Variants in SLC12A6 observed in about 807,000 individuals in gnomAD.
The protein encoded by SLC12A6 is K-Cl cotransporter 3.
Under a neutral mutation model 135.3 loss-of-function variants are expected in SLC12A6, and 66 were observed. The ratio of observed to expected loss-of-function variants is 0.49; its 90% CI spans 0.40 to 0.60. SLC12A6 has a LOEUF of 0.60. Among genes scored for constraint, SLC12A6 ranks in the 20% least tolerant of loss-of-function variants. The probability of loss-of-function intolerance (pLI) is 0.00; values close to 1 mark genes in which losing one functional copy is unlikely to be tolerated. For missense variants in SLC12A6, 1,058 were observed against 1,452.3 expected (o/e 0.73, Z 4.41); for synonymous variants, 513 against 508.8 (o/e 1.01, Z -0.11).
chr15:34,313,056 A>C (rs1189406384), intron 2 of SLC12A6, among the ~76,000 whole-genome samples: 1 of 152,148 alleles, frequency 6.6e-6, no homozygotes, highest in Non-Finnish European at 1.5e-5. Context: ...ACACAACAAT[A>C]CTGAAATTAG....
chr15:34,301,697 C>T (rs7169802), intron 2 of SLC12A6, among the ~76,000 whole-genome samples: 5,973 of 152,256 alleles, frequency 0.039, 218 homozygotes, highest in African/African-American at 0.099. Context: ...AAAGAAAAGA[C>T]AGCCAGACAA....
rs201253407 is a variant in SLC12A6 at position 34,254,331 on chromosome 15, G to A, written c.1118+17C>T. The A allele has an allele frequency of 6.2e-7, 1 of 1,611,030 alleles. No individual in the cohort carries two copies. The highest frequency in any genetic ancestry group is 1.3e-5 in the African/African-American group (1 of 75,016). ...ACTACCCAATAAGGATGGCTAGGCAGAGAGACAGACACGTACGGGAAGTGT... is the reference window on the plus strand; with the variant it reads ...ACTACCCAATAAGGATGGCTAGGCAAAGAGACAGACACGTACGGGAAGTGT... On this transcript the variant is annotated intron_variant, in intron 9 of 25. Transcript: ENST00000354181.
chr15:34,333,227 TTTTTC>T (rs1889974264), intron 2 of SLC12A6, among the ~76,000 whole-genome samples: 1 of 148,256 alleles, frequency 6.7e-6, no homozygotes, highest in African/African-American at 2.6e-5. Context: ...TTTTTTTTTC[TTTTTC>T]TTTTTTTTTT....
chr15:34,262,871 T>C (rs1024631306), intron 3 of SLC12A6, among the ~76,000 whole-genome samples: 3 of 152,182 alleles, frequency 2.0e-5, no homozygotes, highest in African/African-American at 4.8e-5. Context: ...AGGATCTGCA[T>C]TGGAGCGCAA....
intron 2 of SLC12A6, among the ~76,000 whole-genome samples, chr15:34,321,732 G>A (rs181716259): frequency 6.6e-6 from 1 of 152,182 alleles, no homozygotes; most frequent in African/African-American, 2.4e-5. Flanking sequence ...ATTCACAAGA[G>A]AATGGATAAA....
chr15:34,260,670 T>C (rs764942090), intron 4 of SLC12A6, among the ~76,000 whole-genome samples: 14 of 152,346 alleles, frequency 9.2e-5, no homozygotes, highest in Middle Eastern at 6.8e-3. Context: ...AAATCACAGC[T>C]GAATTAGATT....
chr15:34,328,344 T>C (rs1889614182), intron 2 of SLC12A6, among the ~76,000 whole-genome samples: 1 of 152,242 alleles, frequency 6.6e-6, no homozygotes, highest in Non-Finnish European at 1.5e-5. Flanking sequence ...GAAATCTTGT[T>C]AAGTATAAAT....
At chr15:34,318,856 C>T (rs545606434) in intron 2 of SLC12A6, 2 of 1,456,330 alleles carry the variant, frequency 1.4e-6, no homozygotes, top group South Asian at 1.3e-5. Flanking sequence ...GGGAGTGGGG[C>T]GCTTGAAGAC....
intron 8 of SLC12A6, 120 bp from the exon 9 acceptor site, chr15:34,254,709 G>T (rs1034961385): frequency 1.3e-6 from 1 of 765,150 alleles, no homozygotes; most frequent in Non-Finnish European, 2.2e-6. Flanking sequence ...AATGACTGGG[G>T]AATTAGCCTA....
chr15:34,292,372 G>C (rs890290187), intron 2 of SLC12A6, among the ~76,000 whole-genome samples: 2 of 152,170 alleles, frequency 1.3e-5, no homozygotes, highest in African/African-American at 4.8e-5. Context: ...CTTCGTCTCA[G>C]AGGGGAACCT....
intron 19 of SLC12A6, among the ~76,000 whole-genome samples, chr15:34,239,433 C>CA: frequency 6.6e-6 from 1 of 152,064 alleles, no homozygotes. Context: ...TGCACCATAC[C>CA]AAAAAACTGG....
At chr15:34,291,002 T>C (rs1343965839) in intron 2 of SLC12A6, among the ~76,000 whole-genome samples, 3 of 152,226 alleles carry the variant, frequency 2.0e-5, no homozygotes, top group East Asian at 1.9e-4. Context: ...ATAATTGTTA[T>C]GTGTGAATTT....
At chr15:34,334,840 C>T (rs1385426419) in intron 2 of SLC12A6, among the ~76,000 whole-genome samples, 1 of 152,172 alleles carries the variant, frequency 6.6e-6, no homozygotes, top group Non-Finnish European at 1.5e-5. Context: ...CCACTTTAGA[C>T]TGTAAAGAAT....
intron 2 of SLC12A6, among the ~76,000 whole-genome samples, chr15:34,298,584 TAGAAAAATGGGTGGGG>T (rs1896037218): frequency 6.6e-6 from 1 of 151,854 alleles, no homozygotes; most frequent in Admixed American, 6.6e-5. Context: ...CATGAAAAAG[TAGAAAAATGGGTGGGG>T]GGAAATGGAG....
intron 19 of SLC12A6, among the ~76,000 whole-genome samples, 168 bp from the exon 20 acceptor site, chr15:34,239,328 C>T (rs972648389): frequency 6.6e-6 from 1 of 152,156 alleles, no homozygotes; most frequent in African/African-American, 2.4e-5. Flanking sequence ...ATTTCATGAT[C>T]TTTTGTCTTT....
intron 2 of SLC12A6, among the ~76,000 whole-genome samples, chr15:34,330,653 T>C (rs1889775321): frequency 6.6e-6 from 1 of 150,708 alleles, no homozygotes; most frequent in Admixed American, 6.6e-5. Flanking sequence ...GTTGACAGAA[T>C]GAGACCCTGT....
intron 3 of SLC12A6, among the ~76,000 whole-genome samples, chr15:34,261,789 C>T (rs2140785676): frequency 6.6e-6 from 1 of 152,284 alleles, no homozygotes; most frequent in East Asian, 1.9e-4. Context: ...TTGCATTTCT[C>T]TGATGATTTC....
At chr15:34,268,800 T>C (rs551328590) in intron 3 of SLC12A6, among the ~76,000 whole-genome samples, 2 of 152,296 alleles carry the variant, frequency 1.3e-5, no homozygotes, top group East Asian at 3.9e-4. Context: ...GAGACTGGCC[T>C]CAGTAATGGT....
rs34055235 is a variant in SLC12A6, at chr15:34,248,568, CCACA to C, written c.1649+1726_1649+1729del. On this transcript the variant is annotated intron_variant, in intron 13 of 25. Transcript: ENST00000354181. The stretch of plus-strand genomic sequence containing the variant: ...TATACATACATATATACACCCCCAC[CCACA>C]CACACACACACACACACACATATAC... Among the ~76,000 whole-genome samples the C allele has an allele frequency of 5.7e-3, 855 of 149,020 alleles. 2 individuals carry two copies. The highest frequency in any genetic ancestry group is 0.019 in the African/African-American group (779 of 40,708).
Sources: allele counts gnomAD v4.1 joint callset (sites outside exome capture counted in the v4.1 genomes callset), GRCh38; gene constraint gnomAD v4.1.1; transcripts MANE v1.5; gene names NCBI Gene and HGNC (gene_info 2026-07-23, HGNC 2026-07-21).